AP3M1: variants seen among roughly 807,000 people sequenced by gnomAD.
AP3M1 encodes the protein AP-3 complex subunit mu-1.
AP3M1 carries 29 observed loss-of-function variants against 42.6 expected under a neutral mutation model. That is an observed-to-expected ratio of 0.68 (90% CI 0.51 to 0.93). The LOEUF (loss-of-function observed/expected upper bound fraction) is 0.93. Among genes scored for constraint, AP3M1 ranks in the 40% least tolerant of loss-of-function variants. AP3M1 has a pLI of 0.00. For synonymous variants in AP3M1, 178 were observed against 175.3 expected (o/e 1.02, Z -0.12); for missense variants, 416 against 510.2 (o/e 0.82, Z 1.78).
intron 6 of AP3M1, among the ~76,000 whole-genome samples, chr10:74,128,348 A>C (rs1840681234): frequency 6.6e-6 from 1 of 151,104 alleles, no homozygotes; most frequent in South Asian, 2.1e-4. Flanking sequence ...AGTGATTCTC[A>C]TGCCTCAGCC....
At chr10:74,135,612 A>G (rs983250782) in intron 3 of AP3M1, among the ~76,000 whole-genome samples, 12 of 152,186 alleles carry the variant, frequency 7.9e-5, no homozygotes, top group African/African-American at 1.2e-4. Flanking sequence ...ATATTTATAT[A>G]TAAGAATAAT....
rs559980635 is a variant in AP3M1, at chr10:74,120,952, T to C, written c.*2858A>G. ...TTCCTTAAAGAAACACTGACTAAAA[T>C]AGTAGGAGCAGGTTTTTAGAGTAGA... On this transcript the variant is annotated 3_prime_UTR_variant, in exon 9 of 9. Coordinates refer to ENST00000355264, the MANE Select transcript of AP3M1 (RefSeq NM_012095.6). The C allele has an allele frequency of 6.6e-6, 1 of 152,200 alleles. No homozygotes were observed. The highest frequency in any genetic ancestry group is 1.9e-4 in the East Asian group (1 of 5,196). 9.4% of individuals were successfully genotyped at this position (152,200 alleles called of 1,614,324 possible).
intron 2 of AP3M1, 114 bp from the exon 3 acceptor site, chr10:74,136,917 T>C (rs958362027): frequency 2.5e-5 from 17 of 667,220 alleles, no homozygotes; most frequent in Non-Finnish European, 3.6e-5. Flanking sequence ...CTTAAGCTGC[T>C]GAACATATAT....
intron 7 of AP3M1, among the ~76,000 whole-genome samples, chr10:74,125,921 C>A (rs1195772746): frequency 6.6e-6 from 1 of 152,168 alleles, no homozygotes; most frequent in East Asian, 1.9e-4. Context: ...AGTGAAGGCA[C>A]ACTCTGAAAA....
At chr10:74,143,323 G>T (rs6480719) in intron 1 of AP3M1, among the ~76,000 whole-genome samples, 105,552 of 152,106 alleles carry the variant, frequency 0.69, 37,330 homozygotes, top group Middle Eastern at 0.84. Flanking sequence ...GATCTCTGCT[G>T]ACTGCAACCT....
chr10:74,142,901 T>C (rs1004831626), intron 1 of AP3M1, among the ~76,000 whole-genome samples: 5 of 152,218 alleles, frequency 3.3e-5, no homozygotes, highest in African/African-American at 1.2e-4. Context: ...TTATTACACC[T>C]TTTTCTTGGA....
rs1340497070 is a variant in AP3M1, at chr10:74,123,146, A to G, written c.*664T>C. The stretch of plus-strand genomic sequence containing the variant: ...AATTGAGATGGTATTTACTGCAGCA[A>G]GGTCCCTGTAAATCAAATTCTAAGC... On this transcript the variant is annotated 3_prime_UTR_variant, in exon 9 of 9. Coordinates refer to ENST00000355264, the MANE Select transcript of AP3M1 (RefSeq NM_012095.6). The G allele has an allele frequency of 3.3e-5, 5 of 152,662 alleles. No individual in the cohort carries two copies. Among genetic ancestry groups the G allele is most frequent in the Non-Finnish European group, 7.3e-5 (5 of 68,052 alleles). 9.5% of individuals were successfully genotyped at this position (152,662 alleles called of 1,614,324 possible). A position where few individuals can be genotyped will look rare whatever the true frequency, so the allele number is the denominator to read the frequency against.
intron 1 of AP3M1, among the ~76,000 whole-genome samples, chr10:74,139,826 G>A (rs1841081628): frequency 6.7e-6 from 1 of 149,296 alleles, no homozygotes; most frequent in African/African-American, 2.5e-5. Context: ...AGAATCGCTT[G>A]AACCCGGGAG....
At chr10:74,133,295 G>A (rs7920365) in intron 4 of AP3M1, among the ~76,000 whole-genome samples, 103 of 152,180 alleles carry the variant, frequency 6.8e-4, no homozygotes, top group African/African-American at 2.4e-3. Flanking sequence ...TCGGGAGGCT[G>A]AGGCAGAAGA....
intron 1 of AP3M1, among the ~76,000 whole-genome samples, chr10:74,140,933 C>T (rs545235212): frequency 6.6e-6 from 1 of 152,194 alleles, no homozygotes; most frequent in Admixed American, 6.5e-5. Flanking sequence ...AAAAAATATG[C>T]ATAGATTTTG....
At chr10:74,144,129 T>G (rs1416862538) in intron 1 of AP3M1, among the ~76,000 whole-genome samples, 4 of 152,112 alleles carry the variant, frequency 2.6e-5, no homozygotes, top group Non-Finnish European at 5.9e-5. Flanking sequence ...GCCTGGCTAA[T>G]TTTTTGTATT....
rs1468336480 is a variant in AP3M1 at position 74,121,051 on chromosome 10, A to G, written c.*2759T>C. ...ATGTCATTAAAGGGTGATGATATTGATATTTAGTGTTGCCAACTGCTATTA... is the reference window on the plus strand; with the variant it reads ...ATGTCATTAAAGGGTGATGATATTGGTATTTAGTGTTGCCAACTGCTATTA... On this transcript the variant is annotated 3_prime_UTR_variant, in exon 9 of 9. Coordinates refer to ENST00000355264, the MANE Select transcript of AP3M1 (RefSeq NM_012095.6). 1.3e-5 allele frequency: 2 copies of G among 152,116 alleles called. No individual in the cohort carries two copies. Among genetic ancestry groups the G allele is most frequent in the Non-Finnish European group, 2.9e-5 (2 of 68,022 alleles). 9.4% of individuals were successfully genotyped at this position (152,116 alleles called of 1,614,324 possible). A position where few individuals can be genotyped will look rare whatever the true frequency, so the allele number is the denominator to read the frequency against.
At position 74,129,236 on chromosome 10, in the gene AP3M1, AG is replaced by A. The variant is rs746701921; in HGVS notation, c.674del (p.Pro225LeufsTer45). 6.2e-7 allele frequency: 1 copy of A among 1,613,946 alleles called. No individual in the cohort carries two copies. Among genetic ancestry groups the A allele is most frequent in the African/African-American group, 1.3e-5 (1 of 75,036 alleles). ...MPDLSLSFMNPRLLDDVSFHP... is the reference protein window; with the variant it reads ...MPDLSLSFMNXRLLDDVSFHP... ...GAAAGCTGACATCATCCAGAAGCCT[AG>A]GGTTCTGCCAGAAAAACAGAAGACA... On this transcript the variant is annotated frameshift_variant, in exon 6 of 9. Transcript: ENST00000355264. LOFTEE classifies it high-confidence loss of function.
At position 74,124,368 on chromosome 10, in the gene AP3M1, C is replaced by T. The variant is rs764608078; in HGVS notation, c.1156+12G>A. 2 of 1,601,344 alleles carry T rather than the reference C, an allele frequency of 1.2e-6. No homozygotes were observed. The highest frequency in any genetic ancestry group is 1.7e-6 in the Non-Finnish European group (2 of 1,176,616). ...TCAATTACCCTTAACTACAAGTCAA[C>T]CTTATCCTTACCTGAAATAGCAAGC... On this transcript the variant is annotated intron_variant, in intron 8 of 8. Coordinates refer to ENST00000355264, the MANE Select transcript of AP3M1 (RefSeq NM_012095.6).
chr10:74,146,363 G>A (rs572439637), intron 1 of AP3M1, among the ~76,000 whole-genome samples: 3 of 152,228 alleles, frequency 2.0e-5, no homozygotes, highest in Admixed American at 6.5e-5. Flanking sequence ...CATGCAATCC[G>A]ATTTACATTT....
intron 4 of AP3M1, among the ~76,000 whole-genome samples, chr10:74,132,853 T>C (rs1258822570): frequency 6.6e-6 from 1 of 152,172 alleles, no homozygotes; most frequent in East Asian, 1.9e-4. Context: ...TAGAGGTACA[T>C]AGGGTAATAA....
intron 4 of AP3M1, among the ~76,000 whole-genome samples, chr10:74,133,394 C>CAA (rs112024001): frequency 4.2e-5 from 5 of 117,820 alleles, no homozygotes; most frequent in Admixed American, 1.7e-4. Context: ...AACTGCGTCT[C>CAA]AAAAAAAAAA....
At chr10:74,149,251 C>A (rs1841437394) in intron 1 of AP3M1, among the ~76,000 whole-genome samples, 1 of 127,158 alleles carries the variant, frequency 7.9e-6, no homozygotes, top group African/African-American at 2.9e-5. Flanking sequence ...AGAGAGCTTT[C>A]CTAAAGATAC....
chr10:74,147,730 G>T (rs1265897730), intron 1 of AP3M1, among the ~76,000 whole-genome samples: 2 of 152,086 alleles, frequency 1.3e-5, no homozygotes, highest in African/African-American at 4.8e-5. Context: ...GCTGGGTGCG[G>T]TGGCTCACAC....
Sources: gnomAD v4.1 joint callset for allele counts (sites outside exome capture counted in the v4.1 genomes callset) on GRCh38, gnomAD v4.1.1 for gene constraint, MANE v1.5 for transcripts, NCBI Gene and HGNC (gene_info 2026-07-23, HGNC 2026-07-21) for gene names.